AASDH: variants seen among roughly 807,000 people sequenced by gnomAD.
AASDH encodes beta-alanine-activating enzyme.
Under a neutral mutation model 102.3 loss-of-function variants are expected in AASDH, and 81 were observed. The observed-to-expected ratio is 0.79, with a 90% confidence interval of 0.66 to 0.95. The LOEUF (loss-of-function observed/expected upper bound fraction) is 0.95, where lower values mean the gene tolerates loss of function less well. Ranked by LOEUF, AASDH falls within the 40% of genes least tolerant of loss-of-function variation. AASDH has a pLI of 0.00. For synonymous variants in AASDH, 398 were observed against 454.0 expected (o/e 0.88, Z 1.57); for missense variants, 1,203 against 1,266.2 (o/e 0.95, Z 0.76).
chr4:56,384,869 T>G (rs1009034494), intron 1 of AASDH, among the ~76,000 whole-genome samples: 2 of 151,578 alleles, frequency 1.3e-5, no homozygotes, highest in African/African-American at 4.9e-5. Context: ...AGGTCAGGAG[T>G]TCAAGATCAG....
intron 5 of AASDH, chr4:56,356,041 A>T: frequency 2.0e-6 from 1 of 511,224 alleles, no homozygotes; most frequent in South Asian, 3.5e-5. Context: ...AAAATCTATA[A>T]AATCAATTTA....
chr4:56,384,934 C>T (rs1753380954), intron 1 of AASDH, among the ~76,000 whole-genome samples: 1 of 151,988 alleles, frequency 6.6e-6, no homozygotes, highest in South Asian at 2.1e-4. Flanking sequence ...ATTAGCCGGG[C>T]AAGGTGGCAT....
chr4:56,354,219 A>T lies in AASDH; in HGVS notation c.1211-8T>A. The T allele has an allele frequency of 6.4e-7, 1 of 1,551,238 alleles. No individual in the cohort carries two copies. ...ACACTCTGTTTCTGCCACCTTCCCA[A>T]GATATAAACACCAATGTCATAAAAA... On this transcript the variant is annotated splice_region_variant and splice_polypyrimidine_tract_variant and intron_variant, in intron 7 of 14. Transcript: ENST00000205214.
At position 56,338,764 on chromosome 4, in the gene AASDH, T is replaced by C; in HGVS notation, c.2935A>G (p.Ile979Val). 1 of 1,614,106 alleles carries C rather than the reference T, an allele frequency of 6.2e-7. No individual in the cohort carries two copies. The highest frequency in any genetic ancestry group is 8.5e-7 in the Non-Finnish European group (1 of 1,180,012). ...QVWQFSTSGP[I>V]FSSPCTSPSE... ...GGTGAGGTACACGGGGATGAAAAGA[T>C]TGGTCCACTGGTAGAGAACTGCCAA... The change falls in exon 15 of 15, where the codon ATC (isoleucine) becomes GTC (valine). Residue 979 changes from isoleucine to valine, a missense_variant. Coordinates refer to ENST00000205214, the MANE Select transcript of AASDH (RefSeq NM_181806.4).
chr4:56,356,368 C>A (rs4864580), intron 5 of AASDH: 212,169 of 1,560,810 alleles, frequency 0.14, 18,059 homozygotes, highest in Admixed American at 0.38. Flanking sequence ...GTGCCTCCTG[C>A]GATTAACCAG....
intron 5 of AASDH, among the ~76,000 whole-genome samples, chr4:56,357,743 T>C (rs1481382900): frequency 6.6e-6 from 1 of 151,774 alleles, no homozygotes; most frequent in Non-Finnish European, 1.5e-5. Context: ...CTCAACATAA[T>C]AGATACAATT....
At chr4:56,348,293 T>C (rs1748563407) in intron 11 of AASDH, among the ~76,000 whole-genome samples, 1 of 151,878 alleles carries the variant, frequency 6.6e-6, no homozygotes, top group African/African-American at 2.4e-5. Flanking sequence ...CTGCTCTGCT[T>C]GCTCAGACCA....
chr4:56,367,404 T>C lies in AASDH; in HGVS notation c.861+4047A>G, dbSNP rs1396908875. ...TATGGAACCAAAAAAGAGCCTGCAT[T>C]GCCAAGTCAATCCTAAGCCAAAAGA... On this transcript the variant is annotated intron_variant, in intron 5 of 14. Transcript: ENST00000205214. 2.4e-3 allele frequency among the ~76,000 whole-genome samples: 295 copies of C among 121,858 alleles called. 1 individual carries two copies. Among genetic ancestry groups the C allele is most frequent in the African/African-American group, 8.6e-3 (274 of 31,940 alleles). The allele number at this position is 121,858 out of a possible 152,430, so 79.9% of individuals were successfully genotyped here. A position where few individuals can be genotyped will look rare whatever the true frequency, so the allele number is the denominator to read the frequency against.
chr4:56,352,474 A>G (rs1749125590), intron 9 of AASDH, among the ~76,000 whole-genome samples: 1 of 152,060 alleles, frequency 6.6e-6, no homozygotes, highest in South Asian at 2.1e-4. Context: ...GCTTACTGCA[A>G]CCTCTGCCTC....
chr4:56,357,637 T>C (rs1039737425), intron 5 of AASDH, among the ~76,000 whole-genome samples: 2 of 148,728 alleles, frequency 1.3e-5, no homozygotes, highest in African/African-American at 4.9e-5. Context: ...ATAAATTATA[T>C]ATATAATTAT....
At position 56,338,323 on chromosome 4, in the gene AASDH, A is replaced by AAAT; in HGVS notation, c.*76_*78dup. 3 of 1,384,000 alleles carry AAAT rather than the reference A, an allele frequency of 2.2e-6. No homozygotes were observed. Among genetic ancestry groups the AAAT allele is most frequent in the Middle Eastern group, 2.1e-4 (1 of 4,860 alleles). The allele number at this position is 1,384,000 out of a possible 1,614,324, so 85.7% of individuals were successfully genotyped here. A position where few individuals can be genotyped will look rare whatever the true frequency, so the allele number is the denominator to read the frequency against. On this transcript the variant is annotated 3_prime_UTR_variant, in exon 15 of 15. Coordinates refer to ENST00000205214, the MANE Select transcript of AASDH (RefSeq NM_181806.4). ...CCAAAATATAATCTTCTTTAATATA[A>AAAT]AATAAGTCCACATGATGTATAATGG...
At chr4:56,358,665 A>G (rs1311365992) in intron 5 of AASDH, among the ~76,000 whole-genome samples, 1 of 151,902 alleles carries the variant, frequency 6.6e-6, no homozygotes, top group Non-Finnish European at 1.5e-5. Context: ...AGATTTTTGG[A>G]TGTTAAACCA....
At chr4:56,342,997 TTA>T in intron 13 of AASDH, 31 bp from the exon 14 acceptor site, 1 of 1,533,398 alleles carries the variant, frequency 6.5e-7, no homozygotes, top group East Asian at 2.4e-5. Context: ...TCACAGCATT[TTA>T]TGTCATCCTA....
At chr4:56,352,463 G>A (rs1453927596) in intron 9 of AASDH, among the ~76,000 whole-genome samples, 2 of 152,082 alleles carry the variant, frequency 1.3e-5, no homozygotes, top group African/African-American at 2.4e-5. Flanking sequence ...GCGCAACCTC[G>A]GCTTACTGCA....
intron 5 of AASDH, among the ~76,000 whole-genome samples, chr4:56,362,928 G>A (rs1430869894): frequency 2.6e-5 from 4 of 152,204 alleles, no homozygotes; most frequent in Admixed American, 6.5e-5. Context: ...GCAAGGCATC[G>A]CCTCACCTGG....
rs1404715831 is a variant in AASDH at position 56,354,705 on chromosome 4, C to T, written c.1210G>A (p.Gly404Ser). 3 of 1,589,536 alleles carry T rather than the reference C, an allele frequency of 1.9e-6. No homozygotes were observed. In the East Asian group the frequency reaches 6.8e-5, roughly 36 times the overall value. The change falls in exon 7 of 15, where the codon GGT becomes AGT. Residue 404 changes from glycine to serine, a missense_variant and splice_region_variant. Transcript: ENST00000205214. ...IQEGSGQVFL[G>S]GRNRVCFLDD... is the part of the protein sequence containing the mutation. Reference sequence around the variant, plus strand: ...TCCCAATCAACAAATATAAAACAACCTAAAAATACTTGGCCACTGCCTTCC... The same window carrying T: ...TCCCAATCAACAAATATAAAACAACTTAAAAATACTTGGCCACTGCCTTCC...
At chr4:56,361,041 C>T (rs1043330003) in intron 5 of AASDH, among the ~76,000 whole-genome samples, 4 of 152,122 alleles carry the variant, frequency 2.6e-5, no homozygotes, top group Non-Finnish European at 5.9e-5. Context: ...AATGTTGTGG[C>T]CTAACTTCTG....
In AASDH at chr4:56,380,897, A is replaced by C. The variant is rs552187078; in HGVS notation, c.351+1580T>G. ...TGTCTAGACATTGCCAATTGTCCCCAGTTGAGAACTACTGCTTTAGTGGAT... is the reference window on the plus strand; with the variant it reads ...TGTCTAGACATTGCCAATTGTCCCCCGTTGAGAACTACTGCTTTAGTGGAT... On this transcript the variant is annotated intron_variant, in intron 3 of 14. Transcript: ENST00000205214. Among the ~76,000 whole-genome samples, 4 of 152,310 alleles carry C rather than the reference A, an allele frequency of 2.6e-5. No homozygotes were observed. The East Asian group carries it at 7.7e-4, about 29-fold the overall frequency.
intron 4 of AASDH, among the ~76,000 whole-genome samples, chr4:56,375,417 T>G (rs943700205): frequency 1.3e-5 from 2 of 152,216 alleles, no homozygotes; most frequent in African/African-American, 4.8e-5. Flanking sequence ...TTGACTACTT[T>G]AACATTTCAT....
Sources: gnomAD v4.1 joint callset for allele counts (sites outside exome capture counted in the v4.1 genomes callset) on GRCh38, gnomAD v4.1.1 for gene constraint, MANE v1.5 for transcripts, NCBI Gene and HGNC (gene_info 2026-07-23, HGNC 2026-07-21) for gene names.